The following PHRF1 variants were observed in gnomAD, a reference collection of about 807,000 sequenced individuals.
The protein encoded by PHRF1 is PHD and RING finger domain-containing protein 1.
PHRF1 carries 53 observed loss-of-function variants against 128.9 expected under a neutral mutation model. The observed-to-expected ratio is 0.41, with a 90% confidence interval of 0.33 to 0.52. PHRF1 has a LOEUF of 0.52. Among genes scored for constraint, PHRF1 ranks in the 20% least tolerant of loss-of-function variants. The pLI is 0.21. For synonymous variants in PHRF1, 1,178 were observed against 980.6 expected, an observed-to-expected ratio of 1.20 and a Z score of -3.76; for missense variants, 2,503 against 2,284.5, an observed-to-expected ratio of 1.10 and a Z score of -1.95.
At position 612,106 on chromosome 11, in the gene PHRF1, A is replaced by G. The variant is rs982087894; in HGVS notation, c.*329A>G. 2.7e-6 allele frequency: 1 copy of G among 374,118 alleles called. No individual in the cohort carries two copies. The highest frequency in any genetic ancestry group is 4.8e-6 in the Non-Finnish European group (1 of 207,056). 23.2% of individuals were successfully genotyped at this position (374,118 alleles called of 1,614,324 possible). On this transcript the variant is annotated 3_prime_UTR_variant, in exon 18 of 18. Transcript: ENST00000264555. The stretch of plus-strand genomic sequence containing the variant: ...TTGGAAGATAAAGCACTTGGTGATC[A>G]AGAGGGGCTCCTGGTGGGGTGGCGC...
At chr11:588,507 G>A (rs951848669) in intron 4 of PHRF1, among the ~76,000 whole-genome samples, 1 of 151,972 alleles carries the variant, frequency 6.6e-6, no homozygotes, top group African/African-American at 2.4e-5. Flanking sequence ...AGCCTCCCGC[G>A]TAGCTGGAAC....
At chr11:586,015 C>T (rs1413160970) in intron 3 of PHRF1, among the ~76,000 whole-genome samples, 1 of 152,158 alleles carries the variant, frequency 6.6e-6, no homozygotes, top group Non-Finnish European at 1.5e-5. Context: ...GCACACGCCA[C>T]CACACCCGGC....
Position 609,395 on chromosome 11 carries a change from C to T in PHRF1, c.3939C>T (p.Ser1313=). ...FPLKPALPPA[S]LAVAAIQREV... ...TGAAGCCTGCGTTGCCCCCAGCCAG[C>T]CTGGCCGTGGCCGCCATCCAGAGGG... is the stretch of plus-strand genomic sequence containing the variant. Residue 1313 remains serine (S), a synonymous_variant, in exon 14 of 18, where the codon AGC becomes AGT. Coordinates refer to ENST00000264555, the MANE Select transcript of PHRF1 (RefSeq NM_001286581.2). 6.2e-7 allele frequency: 1 copy of T among 1,611,130 alleles called. No individual in the cohort carries two copies. Among genetic ancestry groups the T allele is most frequent in the East Asian group, 2.2e-5 (1 of 44,890 alleles).
At chr11:592,511 G>T in intron 5 of PHRF1, 48 bp from the exon 6 acceptor site, 2 of 1,558,044 alleles carry the variant, frequency 1.3e-6, no homozygotes, top group East Asian at 4.5e-5. Context: ...GGAAGTGACT[G>T]CGGGGAGTTT....
At chr11:577,508 TA>T (rs1853949600) in intron 1 of PHRF1, among the ~76,000 whole-genome samples, 1 of 152,266 alleles carries the variant, frequency 6.6e-6, no homozygotes, top group Non-Finnish European at 1.5e-5. Flanking sequence ...GGAAGAATGT[TA>T]AGTCAGAGTG....
chr11:600,513 T>TAC (rs1406471162), intron 9 of PHRF1, among the ~76,000 whole-genome samples: 2 of 145,028 alleles, frequency 1.4e-5, no homozygotes, highest in Non-Finnish European at 3.0e-5. Flanking sequence ...TATATATATA[T>TAC]ATATATGGTT....
intron 10 of PHRF1, among the ~76,000 whole-genome samples, chr11:602,761 G>GTTTTTTTTTTT (rs1374012486): frequency 1.5e-5 from 2 of 137,118 alleles, no homozygotes; most frequent in South Asian, 2.2e-4. Flanking sequence ...TTTTGTTTTT[G>GTTTTTTTTTTT]TTTTTTTTGT....
chr11:594,202 T>C (rs1855152240), intron 6 of PHRF1, among the ~76,000 whole-genome samples: 1 of 152,216 alleles, frequency 6.6e-6, no homozygotes, highest in African/African-American at 2.4e-5. Flanking sequence ...CTGCGGCCAC[T>C]CTGGGCATGT....
Position 611,720 on chromosome 11 carries a change from C to G in PHRF1, c.4893C>G (p.Arg1631=). ...ACGTGGACAAGTACAGGCACATGCGCAGGCACAAGAAACCAGAGGCCGGGG... is the reference window on the plus strand; with the variant it reads ...ACGTGGACAAGTACAGGCACATGCGGAGGCACAAGAAACCAGAGGCCGGGG... ...KAYVDKYRHM[R]RHKKPEAGEE... Residue 1631 remains arginine (R), a synonymous_variant, in exon 18 of 18, where the codon CGC becomes CGG. Transcript: ENST00000264555. The G allele has an allele frequency of 6.2e-7, 1 of 1,612,970 alleles. No individual in the cohort carries two copies. Among genetic ancestry groups the G allele is most frequent in the Non-Finnish European group, 8.5e-7 (1 of 1,179,818 alleles).
rs759707741 is a variant in PHRF1 at position 606,584 on chromosome 11, G to T, written c.1597G>T (p.Ala533Ser). 2 of 1,604,870 alleles carry T rather than the reference G, an allele frequency of 1.2e-6. No individual in the cohort carries two copies. The highest frequency in any genetic ancestry group is 1.7e-6 in the Non-Finnish European group (2 of 1,176,300). The part of the protein sequence containing the change: ...VIIHRDGSLS[A>S]KRAAPVSFQR... The stretch of plus-strand genomic sequence containing the variant: ...CATCCACCGCGACGGCTCCCTCAGC[G>T]CCAAGAGGGCGGGTGAGTGCCTTCC... Residue 533 changes from alanine (A) to serine (S), a missense_variant, in exon 13 of 18, where the codon GCC becomes TCC. Ala to Ser is a moderately conservative substitution (Grantham distance 99). Transcript: ENST00000264555.
intron 8 of PHRF1, among the ~76,000 whole-genome samples, chr11:598,087 C>T (rs866292961): frequency 1.5e-4 from 23 of 152,300 alleles, no homozygotes; most frequent in Middle Eastern, 6.8e-3. Context: ...TGTCCCTGTC[C>T]AGTGCCCTGC....
chr11:588,346 C>T (rs2132905919), intron 4 of PHRF1, among the ~76,000 whole-genome samples: 1 of 152,208 alleles, frequency 6.6e-6, no homozygotes, highest in South Asian at 2.1e-4. Context: ...GGTGGGTCCA[C>T]AGCACACAGT....
At position 597,264 on chromosome 11, in the gene PHRF1, A is replaced by G; in HGVS notation, c.719-131A>G. 1 of 1,169,676 alleles carries G rather than the reference A, an allele frequency of 8.5e-7. No homozygotes were observed. Among genetic ancestry groups the G allele is most frequent in the Non-Finnish European group, 1.2e-6 (1 of 845,096 alleles). 72.5% of individuals were successfully genotyped at this position (1,169,676 alleles called of 1,614,324 possible). ...AGTGTTAGGAGCACCAGGCTCCATG[A>G]GCAGCCCTGGGTCCTGTGCACAGGT... is the stretch of plus-strand genomic sequence containing the variant. On this transcript the variant is annotated intron_variant, in intron 7 of 17. Transcript: ENST00000264555. This position sits in a 1 kb window ranked among gnomAD's most constrained non-coding sequence, Gnocchi z 6.5.
At chr11:591,626 T>C (rs1347538563) in intron 5 of PHRF1, among the ~76,000 whole-genome samples, 159 bp downstream of exon 5, 1 of 152,184 alleles carries the variant, frequency 6.6e-6, no homozygotes, top group African/African-American at 2.4e-5. Flanking sequence ...ATGAGCCCTG[T>C]CTGGGGGGTT....
At position 609,716 on chromosome 11, in the gene PHRF1, C is replaced by A; in HGVS notation, c.4260C>A (p.Ala1420=). ...GCAGCGCCCCCGCCGAGGACAGAGC[C>A]CCCCGTGAGTAGTGCCCCGGCCCCC... ...SESSAPAEDR[A]PRAPLHRPQK... The change falls in exon 14 of 18, where the codon GCC becomes GCA. Residue 1420 remains alanine, a synonymous_variant. Coordinates refer to ENST00000264555, the MANE Select transcript of PHRF1 (RefSeq NM_001286581.2). The A allele has an allele frequency of 6.7e-7, 1 of 1,486,264 alleles. No individual in the cohort carries two copies. Among genetic ancestry groups the A allele is most frequent in the Non-Finnish European group, 8.9e-7 (1 of 1,122,730 alleles). The allele number at this position is 1,486,264 out of a possible 1,614,324, so 92.1% of individuals were successfully genotyped here.
At chr11:604,992 T>A in intron 10 of PHRF1, 127 bp from the exon 11 acceptor site, 1 of 946,410 alleles carries the variant, frequency 1.1e-6, no homozygotes, top group South Asian at 1.7e-5. Flanking sequence ...GCCCATTGAC[T>A]TTGGCTTAGT....
Position 606,528 on chromosome 11 carries a change from G to T in PHRF1, c.1541G>T (p.Ser514Ile), listed in dbSNP as rs573419688. The T allele has an allele frequency of 2.5e-6, 4 of 1,610,384 alleles. No individual in the cohort carries two copies. The South Asian group carries it at 3.3e-5, about 13-fold the overall frequency. ...CTGGGCAGCATCCTGTCGGGCCAGA[G>T]CCTCCTGATGCTGGGCAGCAGTGAT... ...DLLGSILSGQ[S>I]LLMLGSSDVI... Residue 514 changes from serine (S) to isoleucine (I), a missense_variant, in exon 13 of 18, where the codon AGC (serine) becomes ATC (isoleucine). Physicochemically the swap from Ser to Ile is moderately radical, Grantham distance 142 (BLOSUM62 -2). Coordinates refer to ENST00000264555, the MANE Select transcript of PHRF1 (RefSeq NM_001286581.2).
chr11:611,535 C>A, intron 17 of PHRF1, 99 bp from the exon 18 acceptor site: 1 of 1,535,396 alleles, frequency 6.5e-7, no homozygotes, highest in Non-Finnish European at 8.9e-7. Flanking sequence ...GGGCCTGCTC[C>A]TGAGCAGGGC....
In PHRF1 at chr11:612,017, ACT is replaced by A. The variant is rs1856438552; in HGVS notation, c.*241_*242del. The A allele has an allele frequency of 1.8e-6, 1 of 542,774 alleles. No homozygotes were observed. The highest frequency in any genetic ancestry group is 3.2e-6 in the Non-Finnish European group (1 of 315,790). The allele number at this position is 542,774 out of a possible 1,614,324, so 33.6% of individuals were successfully genotyped here. On this transcript the variant is annotated 3_prime_UTR_variant, in exon 18 of 18. Transcript: ENST00000264555. The stretch of plus-strand genomic sequence containing the variant: ...ACTTTTGTATGTATATTATAGAGAC[ACT>A]GTTTCCATTCTAATTTATCAAAAAT...
Sources: gnomAD v4.1 joint callset for allele counts (sites outside exome capture counted in the v4.1 genomes callset) on GRCh38, gnomAD v4.1.1 for gene constraint, Gnocchi (gnomAD v3.1) non-coding constraint, MANE v1.5 for transcripts, NCBI Gene and HGNC (gene_info 2026-07-23, HGNC 2026-07-21) for gene names.